Variants in ZCCHC7 observed in about 807,000 individuals in gnomAD.
The protein encoded by ZCCHC7 is zinc finger CCHC domain-containing protein 7.
ZCCHC7 carries 35 observed loss-of-function variants against 52.0 expected under a neutral mutation model. That is an observed-to-expected ratio of 0.67 (90% CI 0.51 to 0.89). The LOEUF is 0.89. ZCCHC7 is among the 40% of genes least tolerant of loss of function. The pLI is 0.00. For missense variants in ZCCHC7, 574 were observed against 649.1 expected (o/e 0.88, Z 1.26); for synonymous variants, 217 against 221.5 (o/e 0.98, Z 0.18).
chr9:37,152,818 C>G (rs1241203313), intron 2 of ZCCHC7, among the ~76,000 whole-genome samples: 5 of 152,148 alleles, frequency 3.3e-5, no homozygotes, highest in Non-Finnish European at 7.4e-5. Context: ...TCTTCCCAAA[C>G]AGTATTCTTT....
At chr9:37,257,682 C>G (rs148061355) in intron 2 of ZCCHC7, among the ~76,000 whole-genome samples, 1 of 150,954 alleles carries the variant, frequency 6.6e-6, no homozygotes, top group Non-Finnish European at 1.5e-5. Flanking sequence ...ACCAAATAAA[C>G]AAAGGCTCTT....
At chr9:37,330,057 G>T (rs952967652) in intron 6 of ZCCHC7, among the ~76,000 whole-genome samples, 2 of 151,660 alleles carry the variant, frequency 1.3e-5, no homozygotes, top group African/African-American at 4.8e-5. Flanking sequence ...CAACTAGAGG[G>T]TCATTTACAG....
At chr9:37,223,644 C>T (rs1323561058) in intron 2 of ZCCHC7, among the ~76,000 whole-genome samples, 4 of 151,834 alleles carry the variant, frequency 2.6e-5, no homozygotes, top group African/African-American at 7.3e-5. Context: ...ACAAATCTTA[C>T]GTTTTATATA....
intron 1 of ZCCHC7, among the ~76,000 whole-genome samples, chr9:37,123,345 C>T (rs1564126296): frequency 6.6e-6 from 1 of 152,102 alleles, no homozygotes; most frequent in Non-Finnish European, 1.5e-5. Flanking sequence ...CTTAGGCAGA[C>T]CTTAACCCTG....
chr9:37,349,602 C>A lies in ZCCHC7; in HGVS notation c.1083+150C>A. On this transcript the variant is annotated intron_variant, in intron 7 of 8. Transcript: ENST00000336755. Reference sequence around the variant, plus strand: ...TATATTTTCAACTGGTTTACCCCTCCCCTCCCTGCTAGAGTAACAAGCTAT... The same window carrying A: ...TATATTTTCAACTGGTTTACCCCTCACCTCCCTGCTAGAGTAACAAGCTAT... 4 of 715,048 alleles carry A rather than the reference C, an allele frequency of 5.6e-6. No individual in the cohort carries two copies. The South Asian group carries it at 8.0e-5, about 14-fold the overall frequency. 44.3% of individuals were successfully genotyped at this position (715,048 alleles called of 1,614,324 possible).
At chr9:37,337,143 C>T (rs753219791) in intron 6 of ZCCHC7, among the ~76,000 whole-genome samples, 5 of 152,080 alleles carry the variant, frequency 3.3e-5, no homozygotes, top group Non-Finnish European at 7.4e-5. Context: ...GTGATTCCTT[C>T]TTCTGTCCAT....
chr9:37,141,307 T>A (rs895991989), intron 2 of ZCCHC7, among the ~76,000 whole-genome samples: 15 of 151,408 alleles, frequency 9.9e-5, no homozygotes, highest in African/African-American at 1.5e-4. Flanking sequence ...TTTTTTTTTT[T>A]AAATTTGTTT....
Position 37,226,629 on chromosome 9 carries a change from GC to G in ZCCHC7, c.611-75557del, listed in dbSNP as rs540753176. On this transcript the variant is annotated intron_variant, in intron 2 of 8. Coordinates refer to ENST00000336755, the MANE Select transcript of ZCCHC7 (RefSeq NM_032226.3). ...CAAATTGGTGCTGGACCAGTCTATA[GC>G]CATATGCCAAAAATGAACCATATCT... Among the ~76,000 whole-genome samples the G allele has an allele frequency of 7.9e-4, 121 of 152,254 alleles. 1 individual carries two copies. In the South Asian group the frequency reaches 0.01, roughly 13 times the overall value.
At chr9:37,132,540 G>A (rs1313292810) in intron 2 of ZCCHC7, among the ~76,000 whole-genome samples, 1 of 152,046 alleles carries the variant, frequency 6.6e-6, no homozygotes, top group East Asian at 1.9e-4. Flanking sequence ...GTATGTGTGT[G>A]TATACACATC....
At chr9:37,145,098 T>C (rs957919531) in intron 2 of ZCCHC7, 1 of 152,038 alleles carries the variant, frequency 6.6e-6, no homozygotes, top group Admixed American at 6.6e-5. Context: ...AGGTTCATTA[T>C]GATTTTTTGT....
At chr9:37,312,325 T>C (rs150027470) in intron 5 of ZCCHC7, among the ~76,000 whole-genome samples, 1 of 152,210 alleles carries the variant, frequency 6.6e-6, no homozygotes, top group Non-Finnish European at 1.5e-5. Context: ...TTGCCTCTTA[T>C]ATGCCAGACA....
intron 2 of ZCCHC7, among the ~76,000 whole-genome samples, chr9:37,206,901 G>A (rs183213784): frequency 8.5e-5 from 13 of 152,150 alleles, no homozygotes; most frequent in Admixed American, 2.6e-4. Context: ...AGAGGCAGGG[G>A]GATCTCTTGA....
chr9:37,166,549 T>C (rs1407357287), intron 2 of ZCCHC7, among the ~76,000 whole-genome samples: 1 of 152,112 alleles, frequency 6.6e-6, no homozygotes, highest in Non-Finnish European at 1.5e-5. Flanking sequence ...TTTTTTAACT[T>C]TTTAAACTTT....
At chr9:37,219,063 C>A (rs2133251739) in intron 2 of ZCCHC7, among the ~76,000 whole-genome samples, 1 of 151,642 alleles carries the variant, frequency 6.6e-6, no homozygotes, top group African/African-American at 2.4e-5. Flanking sequence ...ATTCCATCCC[C>A]CCTAAAAAAG....
chr9:37,356,704 A>T, intron 8 of ZCCHC7, 131 bp from the exon 9 acceptor site: 2 of 767,594 alleles, frequency 2.6e-6, no homozygotes, highest in Non-Finnish European at 3.9e-6. Flanking sequence ...TTTAATTTTT[A>T]GTGAGTGATG....
At chr9:37,186,635 T>A (rs367934216) in intron 2 of ZCCHC7, 1 of 502,630 alleles carries the variant, frequency 2.0e-6, no homozygotes. Flanking sequence ...TTGCTGAGTA[T>A]CATGTACTTT....
chr9:37,336,880 G>A (rs1380437732), intron 6 of ZCCHC7, among the ~76,000 whole-genome samples: 2 of 152,114 alleles, frequency 1.3e-5, no homozygotes, highest in East Asian at 1.9e-4. Context: ...CTCCATCCAT[G>A]TACTAAATGG....
chr9:37,260,376 C>A (rs1826807711), intron 2 of ZCCHC7, among the ~76,000 whole-genome samples: 1 of 152,238 alleles, frequency 6.6e-6, no homozygotes, highest in Admixed American at 6.5e-5. Context: ...GCCAGTCCAG[C>A]TGCTTAGTGC....
chr9:37,353,318 A>G (rs1329293760), intron 7 of ZCCHC7, among the ~76,000 whole-genome samples: 1 of 152,214 alleles, frequency 6.6e-6, no homozygotes, highest in Non-Finnish European at 1.5e-5. Context: ...ACACTTTGGG[A>G]TGCCAAGTTG....
Sources: gnomAD v4.1 joint callset for allele counts (sites outside exome capture counted in the v4.1 genomes callset) on GRCh38, gnomAD v4.1.1 for gene constraint, MANE v1.5 for transcripts, NCBI Gene and HGNC (gene_info 2026-07-23, HGNC 2026-07-21) for gene names.